ERGIC3: variants seen among roughly 807,000 people sequenced by gnomAD.
ERGIC3 encodes ERGIC and golgi 3.
In ERGIC3, 33 loss-of-function variants were observed where a neutral mutation model predicts 54.7. That is an observed-to-expected ratio of 0.60 (90% CI 0.46 to 0.81). ERGIC3 has a LOEUF of 0.81. ERGIC3 is among the 30% of genes least tolerant of loss of function. The pLI is 0.00. For missense variants in ERGIC3, 399 were observed against 488.4 expected, an observed-to-expected ratio of 0.82 and a Z score of 1.73; for synonymous variants, 186 against 189.8, an observed-to-expected ratio of 0.98 and a Z score of 0.16.
intron 7 of ERGIC3, among the ~76,000 whole-genome samples, chr20:35,551,110 G>C (rs2064679381): frequency 6.6e-6 from 1 of 152,040 alleles, no homozygotes; most frequent in Non-Finnish European, 1.5e-5. Flanking sequence ...TGGGCAACAT[G>C]ATGAAACCTT....
At chr20:35,544,131 T>C (rs1277898496) in intron 4 of ERGIC3, 1 of 191,530 alleles carries the variant, frequency 5.2e-6, no homozygotes, top group Non-Finnish European at 1.1e-5. Context: ...CTTGGCTCAC[T>C]GCAACCTCCG....
Position 35,557,015 on chromosome 20 carries a change from G to A in ERGIC3, c.922G>A (p.Val308Ile). 1 of 1,614,240 alleles carries A rather than the reference G, an allele frequency of 6.2e-7. No individual in the cohort carries two copies. The highest frequency in any genetic ancestry group is 1.1e-5 in the South Asian group (1 of 91,088). ...NQFSVTRHEK[V>I]ANGLLGDQGL... The stretch of plus-strand genomic sequence containing the variant: ...GTTCTCTGTGACCAGACATGAGAAG[G>A]TTGCCAATGGGCTGTTGGGCGACCA... The change falls in exon 11 of 13, where the codon GTT becomes ATT. Residue 308 changes from valine (V) to isoleucine (I), a missense_variant. By Grantham distance (29) the Val-to-Ile change is conservative. Transcript: ENST00000348547.
chr20:35,557,188 T>A lies in ERGIC3; in HGVS notation c.1017-6T>A. 1.2e-6 allele frequency: 2 copies of A among 1,614,212 alleles called. No homozygotes were observed. The highest frequency in any genetic ancestry group is 1.6e-4 in the Middle Eastern group (1 of 6,062). On this transcript the variant is annotated splice_polypyrimidine_tract_variant and splice_region_variant and intron_variant, in intron 11 of 12. Coordinates refer to ENST00000348547, the MANE Select transcript of ERGIC3 (RefSeq NM_015966.3). ...GCCTGCTGAGCCCACCCTCTCCTTC[T>A]ACCAGGTCCTTCACCCACTTCCTGA...
At chr20:35,543,037 T>A (rs1568868079) in intron 4 of ERGIC3, 96 bp downstream of exon 4, 3 of 1,572,574 alleles carry the variant, frequency 1.9e-6, no homozygotes, top group South Asian at 2.2e-5. Flanking sequence ...AGTGATACAT[T>A]AAACAACTAA....
chr20:35,555,728 G>GAATC (rs2064707372), intron 8 of ERGIC3, among the ~76,000 whole-genome samples: 1 of 150,106 alleles, frequency 6.7e-6, no homozygotes, highest in Admixed American at 6.7e-5. Context: ...TGAGGCAAGA[G>GAATC]AATCGCTTGA....
Position 35,557,558 on chromosome 20 carries a change from C to T in ERGIC3, c.*54C>T. On this transcript the variant is annotated 3_prime_UTR_variant, in exon 13 of 13. Coordinates refer to ENST00000348547, the MANE Select transcript of ERGIC3 (RefSeq NM_015966.3). ...TTTCTCCCTGGCCTGTGGTTGTCCC[C>T]CAGCCTCTGCCACCCTCCACCTCCT... 2.0e-6 allele frequency: 3 copies of T among 1,491,190 alleles called. No individual in the cohort carries two copies. The highest frequency in any genetic ancestry group is 4.5e-5 in the East Asian group (2 of 44,256). The allele number at this position is 1,491,190 out of a possible 1,614,324, so 92.4% of individuals were successfully genotyped here. A position where few individuals can be genotyped will look rare whatever the true frequency, so the allele number is the denominator to read the frequency against.
chr20:35,542,258 C>G, intron 1 of ERGIC3, 65 bp from the exon 2 acceptor site: 2 of 1,612,024 alleles, frequency 1.2e-6, no homozygotes, highest in African/African-American at 1.3e-5. Flanking sequence ...TGGACTCTGA[C>G]TGGCCTGCCG....
intron 1 of ERGIC3, 54 bp downstream of exon 1, chr20:35,542,239 C>G (rs1048786143): frequency 6.2e-7 from 1 of 1,607,772 alleles, no homozygotes; most frequent in African/African-American, 1.3e-5. Context: ...AGAGCTTAGC[C>G]CGGGCTCCTG....
In ERGIC3 at chr20:35,554,399, G is replaced by A. The variant is rs768666448; in HGVS notation, c.686-645G>A. ...CATGCTGTGGAGAGTAAGTGGCCCT[G>A]CCCCCATGGAGGCCAAACCCCTACT... is the stretch of plus-strand genomic sequence containing the variant. On this transcript the variant is annotated intron_variant, in intron 7 of 12. Coordinates refer to ENST00000348547, the MANE Select transcript of ERGIC3 (RefSeq NM_015966.3). 2.5e-6 allele frequency: 4 copies of A among 1,614,078 alleles called. No individual in the cohort carries two copies. In the East Asian group the frequency reaches 8.9e-5, roughly 36 times the overall value.
chr20:35,547,654 G>GGAT, intron 5 of ERGIC3, 149 bp downstream of exon 5: 1 of 673,344 alleles, frequency 1.5e-6, no homozygotes, highest in Admixed American at 2.4e-5. Context: ...CCTGGTGCAA[G>GGAT]CGACTGAGGC....
At position 35,556,337 on chromosome 20, in the gene ERGIC3, G is replaced by A. The variant is rs116536320; in HGVS notation, c.879+66G>A. On this transcript the variant is annotated intron_variant, in intron 10 of 12. Transcript: ENST00000348547. Reference sequence around the variant, plus strand: ...CCAAGCACTGGAGTTCCTGCATTTCGTTCCGTCAGCCTGGGGAGTGAAAGC... The same window carrying A: ...CCAAGCACTGGAGTTCCTGCATTTCATTCCGTCAGCCTGGGGAGTGAAAGC... The A allele has an allele frequency of 2.7e-3, 4,152 of 1,552,510 alleles. 86 individuals carry two copies. The African/African-American group carries it at 0.046, about 17-fold the overall frequency.
chr20:35,542,378 T>C lies in ERGIC3; in HGVS notation c.144T>C (p.Tyr48=). The part of the protein sequence containing the change: ...MLLLFLSELQ[Y]YLTTEVHPEL... ...TACTGTTCCTGTCCGAGCTGCAGTA[T>C]TACCTCACCACGGAGGTAAGGGGCG... is the stretch of plus-strand genomic sequence containing the variant. The change falls in exon 2 of 13, where the codon TAT becomes TAC. Residue 48 remains tyrosine (Y), a synonymous_variant. Coordinates refer to ENST00000348547, the MANE Select transcript of ERGIC3 (RefSeq NM_015966.3). 6.2e-7 allele frequency: 1 copy of C among 1,613,748 alleles called. No homozygotes were observed. The highest frequency in any genetic ancestry group is 8.5e-7 in the Non-Finnish European group (1 of 1,179,962).
chr20:35,549,357 T>C, intron 7 of ERGIC3: 1 of 396,684 alleles, frequency 2.5e-6, no homozygotes, highest in South Asian at 1.9e-5. Context: ...TTCTGTAAAA[T>C]GGGGATGATG....
chr20:35,556,833 C>G (rs1230385874), intron 10 of ERGIC3, 140 bp from the exon 11 acceptor site: 1 of 1,199,430 alleles, frequency 8.3e-7, no homozygotes. Context: ...CCTTGCAGTG[C>G]AGGCCACTAG....
intron 4 of ERGIC3, chr20:35,544,825 T>TTTTTTG (rs2064639227): frequency 6.8e-6 from 1 of 147,248 alleles, no homozygotes; most frequent in Admixed American, 6.9e-5. Flanking sequence ...TTTTTTTTTT[T>TTTTTTG]TGAGTCACGC....
chr20:35,544,464 GC>G, intron 4 of ERGIC3: 1 of 309,336 alleles, frequency 3.2e-6, no homozygotes, highest in South Asian at 3.2e-5. Flanking sequence ...CCTCATGATG[GC>G]TGGGACATTG....
rs1319432815 is a variant in ERGIC3, at chr20:35,547,406, C to A, written c.368-6C>A. 1 of 1,613,820 alleles carries A rather than the reference C, an allele frequency of 6.2e-7. No individual in the cohort carries two copies. The highest frequency in any genetic ancestry group is 1.1e-5 in the South Asian group (1 of 91,074). Reference sequence around the variant, plus strand: ...GCTGATGCCTCTGCTTCTCCCCTCCCCTTAGAGCTTGGGAAAGTCGAGGTG... The same window carrying A: ...GCTGATGCCTCTGCTTCTCCCCTCCACTTAGAGCTTGGGAAAGTCGAGGTG... On this transcript the variant is annotated splice_region_variant and splice_polypyrimidine_tract_variant and intron_variant, in intron 4 of 12. Coordinates refer to ENST00000348547, the MANE Select transcript of ERGIC3 (RefSeq NM_015966.3).
At chr20:35,542,790 C>T (rs1224736816) in intron 3 of ERGIC3, 32 bp from the exon 4 acceptor site, 3 of 1,614,046 alleles carry the variant, frequency 1.9e-6, no homozygotes, top group Admixed American at 1.7e-5. Flanking sequence ...CCCTAGGGTC[C>T]CAGTACCTTA....
rs754095907 is a variant in ERGIC3 at position 35,542,389 on chromosome 20, C to A, written c.155C>A (p.Thr52Lys). The change falls in exon 2 of 13, where the codon ACG (threonine) becomes AAG (lysine). Residue 52 changes from threonine (T) to lysine (K), a missense_variant. Transcript: ENST00000348547. ...TCCGAGCTGCAGTATTACCTCACCA[C>A]GGAGGTAAGGGGCGGGGCTTAGTGC... ...FLSELQYYLT[T>K]EVHPELYVDK... 6.2e-7 allele frequency: 1 copy of A among 1,613,704 alleles called. No homozygotes were observed.
Sources: allele counts gnomAD v4.1 joint callset (sites outside exome capture counted in the v4.1 genomes callset), GRCh38; gene constraint gnomAD v4.1.1; transcripts MANE v1.5; gene names NCBI Gene and HGNC (gene_info 2026-07-23, HGNC 2026-07-21).